Variants in WIPF2 observed in about 807,000 individuals in gnomAD.
WIPF2 encodes the protein WAS/WASL-interacting protein family member 2.
WIPF2 carries 23 observed loss-of-function variants against 38.8 expected under a neutral mutation model. That is an observed-to-expected ratio of 0.59 (90% CI 0.43 to 0.84). WIPF2 has a LOEUF of 0.84. Ranked by LOEUF, WIPF2 falls within the 40% of genes least tolerant of loss-of-function variation. The probability of loss-of-function intolerance (pLI) is 0.00; values close to 1 mark genes in which losing one functional copy is unlikely to be tolerated. For missense variants in WIPF2, 574 were observed against 580.5 expected (o/e 0.99, Z 0.11); for synonymous variants, 210 against 223.2 (o/e 0.94, Z 0.53).
At chr17:40,228,583 G>A (rs2030599997) in intron 1 of WIPF2, among the ~76,000 whole-genome samples, 1 of 148,786 alleles carries the variant, frequency 6.7e-6, no homozygotes, top group Non-Finnish European at 1.5e-5. Flanking sequence ...GCCAAGTACT[G>A]TGGTAGGGGA....
intron 5 of WIPF2, among the ~76,000 whole-genome samples, chr17:40,266,074 GA>G (rs2032076689): frequency 6.6e-6 from 1 of 152,006 alleles, no homozygotes. Flanking sequence ...GAATGGTGTT[GA>G]AAACCACATG....
Position 40,219,400 on chromosome 17 carries a change from A to G in WIPF2, c.-162A>G, listed in dbSNP as rs565192365. 317 of 346,488 alleles carry G rather than the reference A, an allele frequency of 9.1e-4. 9 individuals carry two copies. The highest frequency in any genetic ancestry group is 4.9e-3 in the African/African-American group (188 of 38,148). The allele number at this position is 346,488 out of a possible 1,614,324, so 21.5% of individuals were successfully genotyped here. ...GGCGGCGGCGGCGGCGGCGGCGGCGACGGCGAGAAAGAGCTTGCCGGGGGG... is the reference window on the plus strand; with the variant it reads ...GGCGGCGGCGGCGGCGGCGGCGGCGGCGGCGAGAAAGAGCTTGCCGGGGGG... On this transcript the variant is annotated 5_prime_UTR_variant, in exon 1 of 8. Coordinates refer to ENST00000323571, the MANE Select transcript of WIPF2 (RefSeq NM_133264.5).
Position 40,274,340 on chromosome 17 carries a change from T to A in WIPF2, c.1180+341T>A, listed in dbSNP as rs8077256. Among the ~76,000 whole-genome samples, 1,188 of 152,110 alleles carry A rather than the reference T, an allele frequency of 7.8e-3. 17 individuals carry two copies. The highest frequency in any genetic ancestry group is 0.027 in the African/African-American group (1,120 of 41,524). ...GATTATTCAGACAGGACTTATGTAT[T>A]CTCCTAGGAAGGAGTGTTCCTTTCT... On this transcript the variant is annotated intron_variant, in intron 6 of 7. Coordinates refer to ENST00000323571, the MANE Select transcript of WIPF2 (RefSeq NM_133264.5).
Position 40,278,278 on chromosome 17 carries a change from A to C in WIPF2, c.*53A>C. 6.3e-7 allele frequency: 1 copy of C among 1,599,932 alleles called. No homozygotes were observed. The highest frequency in any genetic ancestry group is 8.5e-7 in the Non-Finnish European group (1 of 1,170,992). ...AAAGGATGGACCTTCTCTTCTTCTC[A>C]GATGGTCCCTTCCATTCCCCTGAAA... On this transcript the variant is annotated 3_prime_UTR_variant, in exon 8 of 8. Coordinates refer to ENST00000323571, the MANE Select transcript of WIPF2 (RefSeq NM_133264.5).
chr17:40,277,707 C>A (rs2032444904), intron 7 of WIPF2, among the ~76,000 whole-genome samples: 1 of 119,142 alleles, frequency 8.4e-6, no homozygotes, highest in South Asian at 2.3e-4. Flanking sequence ...AATTGCTTCT[C>A]ATCATCTTCG....
At chr17:40,276,435 C>T (rs796586209) in intron 6 of WIPF2, among the ~76,000 whole-genome samples, 76 of 142,124 alleles carry the variant, frequency 5.3e-4, no homozygotes, top group African/African-American at 1.9e-3. Flanking sequence ...GCAGGAGAAT[C>T]GCTTGAACTT....
chr17:40,220,411 T>TA (rs2030127559), intron 1 of WIPF2: 1 of 150,848 alleles, frequency 6.6e-6, no homozygotes, highest in Non-Finnish European at 1.5e-5. Context: ...TTTTTTCTTT[T>TA]AAGAGACGTG....
intron 6 of WIPF2, among the ~76,000 whole-genome samples, chr17:40,276,022 C>T (rs1402003472): frequency 6.6e-6 from 1 of 152,154 alleles, no homozygotes; most frequent in African/African-American, 2.4e-5. Flanking sequence ...AAAATTTGAG[C>T]TTTCTGATGG....
chr17:40,240,746 C>A (rs2031160477), intron 1 of WIPF2, among the ~76,000 whole-genome samples: 1 of 151,614 alleles, frequency 6.6e-6, no homozygotes, highest in Admixed American at 6.6e-5. Context: ...AGATGGAGAC[C>A]ATCCTGGCTA....
At chr17:40,228,760 C>G (rs2030609605) in intron 1 of WIPF2, among the ~76,000 whole-genome samples, 1 of 152,106 alleles carries the variant, frequency 6.6e-6, no homozygotes, top group Middle Eastern at 3.4e-3. Flanking sequence ...TCCTGTGTAG[C>G]TGGGACCACA....
At chr17:40,269,566 T>G (rs2032186751) in intron 5 of WIPF2, among the ~76,000 whole-genome samples, 1 of 150,366 alleles carries the variant, frequency 6.7e-6, no homozygotes, top group Non-Finnish European at 1.5e-5. Flanking sequence ...AGAGTTTGTT[T>G]CAAGAATTTT....
rs1298206960 is a variant in WIPF2 at position 40,281,416 on chromosome 17, C to T, written c.*3191C>T. 6.6e-6 allele frequency: 1 copy of T among 152,162 alleles called. No homozygotes were observed. The highest frequency in any genetic ancestry group is 2.4e-5 in the African/African-American group (1 of 41,416). The allele number at this position is 152,162 out of a possible 1,614,324, so 9.4% of individuals were successfully genotyped here. ...ACCTGGACCAAAGCACTTTGATATT[C>T]CAGGTGTGATTTTCTCTGTCATGGG... On this transcript the variant is annotated 3_prime_UTR_variant, in exon 8 of 8. Coordinates refer to ENST00000323571, the MANE Select transcript of WIPF2 (RefSeq NM_133264.5).
chr17:40,224,174 C>T (rs368889866), intron 1 of WIPF2, among the ~76,000 whole-genome samples: 39 of 147,576 alleles, frequency 2.6e-4, no homozygotes, highest in South Asian at 1.1e-3. Flanking sequence ...TATGGAGGCT[C>T]GGTGCTCCTG....
At chr17:40,255,931 A>G (rs973060040) in intron 1 of WIPF2, among the ~76,000 whole-genome samples, 1 of 151,880 alleles carries the variant, frequency 6.6e-6, no homozygotes, top group African/African-American at 2.4e-5. Context: ...TGGCCCAAAA[A>G]TTGTTTTTAA....
rs16965691 is a variant in WIPF2, at chr17:40,253,671, C to G, written c.-69-2720C>G. ...TTGGAGGGAATTTATCGGCTTATTT[C>G]TTGAAGTGAGTACAGACACCATTCC... On this transcript the variant is annotated intron_variant, in intron 1 of 7. Coordinates refer to ENST00000323571, the MANE Select transcript of WIPF2 (RefSeq NM_133264.5). Among the ~76,000 whole-genome samples the G allele has an allele frequency of 3.3e-3, 495 of 152,268 alleles. 3 individuals are homozygous for G. Among genetic ancestry groups the G allele is most frequent in the African/African-American group, 0.011 (443 of 41,552 alleles).
rs1341981360 is a variant in WIPF2, at chr17:40,265,201, T to TC, written c.970+59dup. On this transcript the variant is annotated intron_variant, in intron 5 of 7. Transcript: ENST00000323571. ...TCATGCTGTGAGTTGATTTTATCTT[T>TC]CCCCAGAGCACTCCTTGAAGACAGT... 3 of 1,523,552 alleles carry TC rather than the reference T, an allele frequency of 2.0e-6. No homozygotes were observed. In the East Asian group the frequency reaches 6.8e-5, roughly 35 times the overall value. The allele number at this position is 1,523,552 out of a possible 1,614,324, so 94.4% of individuals were successfully genotyped here.
At chr17:40,263,360 G>T (rs189085808) in intron 4 of WIPF2, among the ~76,000 whole-genome samples, 2 of 152,056 alleles carry the variant, frequency 1.3e-5, no homozygotes, top group African/African-American at 4.8e-5. Context: ...GCTGCTGCTG[G>T]TCTGACAGTA....
Position 40,252,659 on chromosome 17 carries a change from CA to C in WIPF2, c.-69-3718del, listed in dbSNP as rs751249426. Reference sequence around the variant, plus strand: ...AGCCTAGGCAACAGAGACTCTGTCTCAAAAAAAAAAAAAACTAGAAACCTCC... The same window carrying C: ...AGCCTAGGCAACAGAGACTCTGTCTCAAAAAAAAAAAAACTAGAAACCTCC... On this transcript the variant is annotated intron_variant, in intron 1 of 7. Transcript: ENST00000323571. 3.2e-3 allele frequency among the ~76,000 whole-genome samples: 363 copies of C among 114,314 alleles called. 1 individual carries two copies. Among genetic ancestry groups the C allele is most frequent in the African/African-American group, 9.1e-3 (281 of 30,778 alleles). The allele number at this position is 114,314 out of a possible 152,430, so 75.0% of individuals were successfully genotyped here.
At chr17:40,253,644 C>T (rs1162539517) in intron 1 of WIPF2, among the ~76,000 whole-genome samples, 1 of 152,100 alleles carries the variant, frequency 6.6e-6, no homozygotes, top group East Asian at 1.9e-4. Flanking sequence ...AAGGTATTTC[C>T]CTTGGAGGGA....
Sources: gnomAD v4.1 joint callset for allele counts (sites outside exome capture counted in the v4.1 genomes callset) on GRCh38, gnomAD v4.1.1 for gene constraint, MANE v1.5 for transcripts, NCBI Gene and HGNC (gene_info 2026-07-23, HGNC 2026-07-21) for gene names.